Variants in RETREG1 observed in about 807,000 individuals in gnomAD.
The protein encoded by RETREG1 is reticulophagy regulator 1, also known as family with sequence similarity 134 member B.
RETREG1 carries 44 observed loss-of-function variants against 54.8 expected under a neutral mutation model. That is an observed-to-expected ratio of 0.80 (90% CI 0.63 to 1.03). RETREG1 has a LOEUF of 1.03. RETREG1 is among the 50% of genes least tolerant of loss of function. The pLI is 0.00. For missense variants in RETREG1, 554 were observed against 605.1 expected, an observed-to-expected ratio of 0.92 and a Z score of 0.89; for synonymous variants, 217 against 238.5, an observed-to-expected ratio of 0.91 and a Z score of 0.83.
At chr5:16,502,676 G>A (rs900301003) in intron 3 of RETREG1, among the ~76,000 whole-genome samples, 4 of 117,864 alleles carry the variant, frequency 3.4e-5, no homozygotes, top group South Asian at 2.3e-4. Context: ...TGATCTGTTC[G>A]CCATTATATT....
intron 3 of RETREG1, among the ~76,000 whole-genome samples, chr5:16,522,928 C>T (rs1003058063): frequency 6.6e-6 from 1 of 152,016 alleles, no homozygotes; most frequent in Non-Finnish European, 1.5e-5. Flanking sequence ...ATCACCTGCA[C>T]TCAGGAAGTT....
intron 1 of RETREG1, among the ~76,000 whole-genome samples, chr5:16,576,857 C>T (rs1216971793): frequency 6.6e-6 from 1 of 152,064 alleles, no homozygotes; most frequent in Non-Finnish European, 1.5e-5. Flanking sequence ...CCTTGTGATC[C>T]CCCCGCCTCC....
intron 3 of RETREG1, among the ~76,000 whole-genome samples, chr5:16,485,552 G>A (rs574498811): frequency 6.6e-6 from 1 of 152,194 alleles, no homozygotes; most frequent in South Asian, 2.1e-4. Context: ...TCATGTCTTG[G>A]AAATGACACC....
At chr5:16,591,456 C>T (rs902027358) in intron 1 of RETREG1, among the ~76,000 whole-genome samples, 4 of 152,130 alleles carry the variant, frequency 2.6e-5, no homozygotes, top group African/African-American at 9.7e-5. Context: ...AAGTGAGTCG[C>T]TGGGGATGTT....
intron 1 of RETREG1, among the ~76,000 whole-genome samples, chr5:16,612,322 C>G (rs747151121): frequency 6.6e-6 from 1 of 152,030 alleles, no homozygotes; most frequent in Non-Finnish European, 1.5e-5. Context: ...TGGTAAACCA[C>G]AAAAAGTTGA....
At chr5:16,571,859 C>T in intron 2 of RETREG1, 137 bp downstream of exon 2, 2 of 658,392 alleles carry the variant, frequency 3.0e-6, no homozygotes, top group South Asian at 1.9e-5. Flanking sequence ...AATAAATTAT[C>T]GTATTGAAAA....
At chr5:16,552,724 ATGCACACCTG>A (rs1448849002) in intron 3 of RETREG1, among the ~76,000 whole-genome samples, 1 of 152,172 alleles carries the variant, frequency 6.6e-6, no homozygotes, top group African/African-American at 2.4e-5. Context: ...ATGAGTATCC[ATGCACACCTG>A]TGCACACAGG....
intron 3 of RETREG1, among the ~76,000 whole-genome samples, chr5:16,510,709 G>C (rs886570941): frequency 1.3e-5 from 2 of 150,714 alleles, no homozygotes; most frequent in Non-Finnish European, 2.9e-5. Flanking sequence ...AGAATCACTT[G>C]AGCCTGGGAG....
chr5:16,550,286 A>AC (rs1561116431), intron 3 of RETREG1, among the ~76,000 whole-genome samples: 1 of 151,740 alleles, frequency 6.6e-6, no homozygotes, highest in Non-Finnish European at 1.5e-5. Context: ...AAAAAAAAAA[A>AC]AGCGTTAAAG....
At chr5:16,542,864 G>C (rs1741288465) in intron 3 of RETREG1, among the ~76,000 whole-genome samples, 1 of 152,162 alleles carries the variant, frequency 6.6e-6, no homozygotes, top group African/African-American at 2.4e-5. Context: ...ACAATAAACT[G>C]CGCATAAGTT....
At chr5:16,490,037 T>G (rs1739185169) in intron 3 of RETREG1, among the ~76,000 whole-genome samples, 2 of 152,170 alleles carry the variant, frequency 1.3e-5, no homozygotes, top group South Asian at 4.1e-4. Flanking sequence ...GAGCTTTAGA[T>G]TTGAGGAGAT....
intron 3 of RETREG1, among the ~76,000 whole-genome samples, chr5:16,545,378 G>T (rs1347411021): frequency 6.6e-6 from 1 of 152,156 alleles, no homozygotes; most frequent in Non-Finnish European, 1.5e-5. Flanking sequence ...GTGTTAGAGG[G>T]GGAGAGAGGC....
intron 3 of RETREG1, among the ~76,000 whole-genome samples, chr5:16,550,076 A>G (rs746130345): frequency 9.2e-5 from 14 of 152,164 alleles, no homozygotes; most frequent in Non-Finnish European, 2.1e-4. Flanking sequence ...GGTATTAAAA[A>G]CAGGCACAAG....
intron 1 of RETREG1, among the ~76,000 whole-genome samples, chr5:16,602,194 G>A (rs1743071634): frequency 6.6e-6 from 1 of 152,190 alleles, no homozygotes; most frequent in Non-Finnish European, 1.5e-5. Flanking sequence ...CGTGATAAAT[G>A]TGAAGAAAAC....
chr5:16,521,235 A>G (rs1740523765), intron 3 of RETREG1, among the ~76,000 whole-genome samples: 1 of 151,732 alleles, frequency 6.6e-6, no homozygotes, highest in South Asian at 2.1e-4. Context: ...CTTCCTTCCC[A>G]TTCTTCTCCC....
chr5:16,492,437 T>C lies in RETREG1; in HGVS notation c.459-8965A>G, dbSNP rs549849322. Among the ~76,000 whole-genome samples the C allele has an allele frequency of 2.4e-3, 361 of 152,150 alleles. 1 individual carries two copies. Among genetic ancestry groups the C allele is most frequent in the African/African-American group, 8.4e-3 (347 of 41,496 alleles). On this transcript the variant is annotated intron_variant, in intron 3 of 8. Transcript: ENST00000306320. The stretch of plus-strand genomic sequence containing the variant: ...AGCCAAACAATATTTTTCAGAAAGT[T>C]TGCTAAGTCACCATTCCATATTGAC...
chr5:16,498,023 G>A (rs189370778), intron 3 of RETREG1, among the ~76,000 whole-genome samples: 1 of 152,144 alleles, frequency 6.6e-6, no homozygotes, highest in Non-Finnish European at 1.5e-5. Context: ...TTCATTCTAG[G>A]TTTATAATTT....
chr5:16,535,488 T>C (rs944960187), intron 3 of RETREG1, among the ~76,000 whole-genome samples: 1 of 152,084 alleles, frequency 6.6e-6, no homozygotes, highest in Admixed American at 6.5e-5. Flanking sequence ...GGTTCCTGCA[T>C]GCACGCTGCC....
intron 1 of RETREG1, among the ~76,000 whole-genome samples, chr5:16,611,311 A>T (rs10079706): frequency 0.015 from 2,359 of 152,218 alleles, 68 homozygotes; most frequent in African/African-American, 0.053. Context: ...GTAAATGATG[A>T]GTTAATGGGT....
Sources: allele counts gnomAD v4.1 joint callset (sites outside exome capture counted in the v4.1 genomes callset), GRCh38; gene constraint gnomAD v4.1.1; transcripts MANE v1.5; gene names NCBI Gene and HGNC (gene_info 2026-07-23, HGNC 2026-07-21).